RALGPS2: variants seen among roughly 807,000 people sequenced by gnomAD.
RALGPS2 encodes ras-specific guanine nucleotide-releasing factor RalGPS2.
RALGPS2 carries 43 observed loss-of-function variants against 86.8 expected under a neutral mutation model. The ratio of observed to expected loss-of-function variants is 0.50; its 90% confidence interval spans 0.39 to 0.64. The LOEUF (loss-of-function observed/expected upper bound fraction) is 0.64, where lower values mean the gene tolerates loss of function less well. Ranked by LOEUF, RALGPS2 falls within the 30% of genes least tolerant of loss-of-function variation. The pLI is 0.00. For synonymous variants in RALGPS2, 243 were observed against 231.3 expected, an observed-to-expected ratio of 1.05 and a Z score of -0.46; for missense variants, 536 against 694.6, an observed-to-expected ratio of 0.77 and a Z score of 2.57.
intron 1 of RALGPS2, among the ~76,000 whole-genome samples, chr1:178,736,280 G>A (rs544499180): frequency 1.3e-5 from 2 of 150,844 alleles, no homozygotes; most frequent in Admixed American, 6.6e-5. Flanking sequence ...TCCTGCCTCA[G>A]CTTCTCAAGT....
intron 9 of RALGPS2, among the ~76,000 whole-genome samples, chr1:178,878,421 G>A (rs1049059990): frequency 6.6e-6 from 1 of 152,090 alleles, no homozygotes; most frequent in African/African-American, 2.4e-5. Context: ...TCAGTGTGGA[G>A]ATAGAATCTT....
rs768840866 is a variant in RALGPS2, at chr1:178,798,052, G to A, written c.214-9993G>A. 2.0e-5 allele frequency among the ~76,000 whole-genome samples: 3 copies of A among 150,266 alleles called. No individual in the cohort carries two copies. The South Asian group carries it at 6.3e-4, about 31-fold the overall frequency. On this transcript the variant is annotated intron_variant, in intron 4 of 19. Transcript: ENST00000367635. The stretch of plus-strand genomic sequence containing the variant: ...AAAAAAATTAAGAAAAAGGGATGGC[G>A]TGAATGTATAAAATATATGTAGATA...
At chr1:178,772,230 G>T (rs1433082346) in intron 1 of RALGPS2, among the ~76,000 whole-genome samples, 2 of 152,118 alleles carry the variant, frequency 1.3e-5, no homozygotes, top group Non-Finnish European at 2.9e-5. Context: ...TCCAGATGTT[G>T]GTTTTCTTGT....
chr1:178,855,320 TATC>T (rs921549007), intron 8 of RALGPS2, among the ~76,000 whole-genome samples: 15 of 150,742 alleles, frequency 1.0e-4, no homozygotes, highest in African/African-American at 3.4e-4. Flanking sequence ...TTTTACTTCA[TATC>T]ATCAGTGTTT....
intron 4 of RALGPS2, among the ~76,000 whole-genome samples, chr1:178,791,594 C>T (rs1397479004): frequency 1.3e-5 from 2 of 152,152 alleles, no homozygotes; most frequent in African/African-American, 4.8e-5. Flanking sequence ...GATTGAACCA[C>T]GCAAGTCTCA....
chr1:178,868,236 T>C (rs1658539612), intron 8 of RALGPS2, among the ~76,000 whole-genome samples: 1 of 151,918 alleles, frequency 6.6e-6, no homozygotes, highest in African/African-American at 2.4e-5. Context: ...CAAAAACCAA[T>C]AAAACATTTA....
intron 12 of RALGPS2, 195 bp downstream of exon 12, chr1:178,885,406 T>C (rs1659439754): frequency 1.8e-6 from 1 of 561,328 alleles, no homozygotes; most frequent in Non-Finnish European, 3.0e-6. Context: ...GGAAATGGGA[T>C]TTTGTCAACA....
intron 1 of RALGPS2, among the ~76,000 whole-genome samples, chr1:178,735,431 C>CT (rs565080292): frequency 0.26 from 34,998 of 134,326 alleles, 4,559 homozygotes; most frequent in East Asian, 0.34. Flanking sequence ...TTTTTCTTTT[C>CT]TTTTTTTTTT....
At chr1:178,837,265 T>C (rs1656326076) in intron 8 of RALGPS2, among the ~76,000 whole-genome samples, 2 of 152,226 alleles carry the variant, frequency 1.3e-5, no homozygotes, top group Non-Finnish European at 2.9e-5. Flanking sequence ...TTTTAGGTAC[T>C]AAAATACTGA....
chr1:178,834,378 T>A (rs1223622877), intron 8 of RALGPS2, among the ~76,000 whole-genome samples: 3 of 152,214 alleles, frequency 2.0e-5, no homozygotes, highest in African/African-American at 4.8e-5. Flanking sequence ...GATAGCTATT[T>A]CTGAGAGTGA....
At chr1:178,747,664 A>G in intron 1 of RALGPS2, 1 of 1,527,348 alleles carries the variant, frequency 6.5e-7, no homozygotes, top group South Asian at 1.1e-5. Flanking sequence ...AGCATTTTGC[A>G]GTTTAACACA....
intron 4 of RALGPS2, among the ~76,000 whole-genome samples, chr1:178,788,776 CT>C (rs200482335): frequency 0.016 from 2,362 of 151,562 alleles, 29 homozygotes; most frequent in South Asian, 0.028. Flanking sequence ...TTAAGTCGCT[CT>C]TTTTTTTCTC....
At chr1:178,762,476 C>T (rs1016205100) in intron 1 of RALGPS2, among the ~76,000 whole-genome samples, 8 of 152,160 alleles carry the variant, frequency 5.3e-5, no homozygotes, top group African/African-American at 1.2e-4. Flanking sequence ...CCACCAGCAG[C>T]GCATAAACAT....
chr1:178,890,826 A>G (rs1459992591), intron 14 of RALGPS2, among the ~76,000 whole-genome samples: 1 of 151,682 alleles, frequency 6.6e-6, no homozygotes, highest in Non-Finnish European at 1.5e-5. Context: ...ATTTTTATTT[A>G]TTTTTGCATT....
rs1247404817 is a variant in RALGPS2 at position 178,859,822 on chromosome 1, C to CT, written c.608-17676_608-17675insT. Among the ~76,000 whole-genome samples the CT allele has an allele frequency of 1.0e-4, 5 of 49,026 alleles. 1 individual carries two copies. The highest frequency in any genetic ancestry group is 4.6e-4 in the African/African-American group (5 of 10,820). The allele number at this position is 49,026 out of a possible 152,430, so 32.2% of individuals were successfully genotyped here. A position where few individuals can be genotyped will look rare whatever the true frequency, so the allele number is the denominator to read the frequency against. On this transcript the variant is annotated intron_variant, in intron 8 of 19. Transcript: ENST00000367635. ...ATGCCATTCTCCTGCCTCTGCCCGC[C>CT]CCCCCCCCCCCAACCGCCCAAGTAG...
chr1:178,818,065 A>C (rs539826617), intron 6 of RALGPS2, among the ~76,000 whole-genome samples: 1 of 152,236 alleles, frequency 6.6e-6, no homozygotes, highest in South Asian at 2.1e-4. Flanking sequence ...CAAGAATGAG[A>C]AGCTGATTTT....
intron 1 of RALGPS2, among the ~76,000 whole-genome samples, chr1:178,735,422 T>C (rs1223663968): frequency 2.1e-5 from 3 of 140,612 alleles, no homozygotes; most frequent in Non-Finnish European, 3.1e-5. Context: ...TATATTTTCT[T>C]TTTCTTTTCT....
intron 18 of RALGPS2, among the ~76,000 whole-genome samples, chr1:178,906,486 G>A (rs900175708): frequency 1.3e-5 from 2 of 152,088 alleles, no homozygotes; most frequent in East Asian, 1.9e-4. Flanking sequence ...TTTTATGTAG[G>A]TGTATTTCAT....
chr1:178,777,661 A>G (rs1361630248), intron 2 of RALGPS2, among the ~76,000 whole-genome samples: 1 of 151,430 alleles, frequency 6.6e-6, no homozygotes, highest in Non-Finnish European at 1.5e-5. Flanking sequence ...GGCTACAGTA[A>G]CCAAAACAGC....
Sources: gnomAD v4.1 joint callset for allele counts (sites outside exome capture counted in the v4.1 genomes callset) on GRCh38, gnomAD v4.1.1 for gene constraint, MANE v1.5 for transcripts, NCBI Gene and HGNC (gene_info 2026-07-23, HGNC 2026-07-21) for gene names.